Variants in SLC15A4 observed in about 807,000 individuals in gnomAD.
SLC15A4 encodes the protein solute carrier family 15 member 4.
A neutral mutation model predicts 46.1 loss-of-function variants in SLC15A4; 26 were observed. That is an observed-to-expected ratio of 0.56 (90% confidence interval 0.41 to 0.78). The LOEUF is 0.78. Among genes scored for constraint, SLC15A4 ranks in the 30% least tolerant of loss-of-function variants. The probability of loss-of-function intolerance (pLI) is 0.00; values close to 1 mark genes in which losing one functional copy is unlikely to be tolerated. For missense variants in SLC15A4, 751 were observed against 755.7 expected, an observed-to-expected ratio of 0.99 and a Z score of 0.07; for synonymous variants, 370 against 333.4, an observed-to-expected ratio of 1.11 and a Z score of -1.20.
chr12:128,821,613 C>T (rs140351164), intron 1 of SLC15A4, among the ~76,000 whole-genome samples: 197 of 152,288 alleles, frequency 1.3e-3, no homozygotes, highest in African/African-American at 3.4e-3. Context: ...ACTAGCTGGG[C>T]GCCGTGGCTC....
intron 7 of SLC15A4, among the ~76,000 whole-genome samples, chr12:128,795,342 C>T (rs755136450): frequency 6.6e-6 from 1 of 152,158 alleles, no homozygotes; most frequent in African/African-American, 2.4e-5. Flanking sequence ...TTAGCATACA[C>T]TGAATACCCA....
chr12:128,822,970 C>G (rs1005886968), intron 1 of SLC15A4, among the ~76,000 whole-genome samples: 1 of 152,146 alleles, frequency 6.6e-6, no homozygotes, highest in African/African-American at 2.4e-5. Flanking sequence ...CCTTTCTCTG[C>G]TAGGACTACA....
chr12:128,794,837 C>T (rs1461638598), intron 7 of SLC15A4, among the ~76,000 whole-genome samples: 2 of 152,222 alleles, frequency 1.3e-5, no homozygotes, highest in Non-Finnish European at 2.9e-5. Context: ...TCCCCCCACA[C>T]CAGAACAGCT....
chr12:128,793,888 T>A lies in SLC15A4; in HGVS notation c.*308A>T. The A allele has an allele frequency of 4.3e-6, 1 of 234,208 alleles. No homozygotes were observed. The highest frequency in any genetic ancestry group is 8.2e-6 in the Non-Finnish European group (1 of 122,300). The allele number at this position is 234,208 out of a possible 1,614,324, so 14.5% of individuals were successfully genotyped here. The stretch of plus-strand genomic sequence containing the variant: ...CGTGGAGTTCCCCAAGACTTTGCAA[T>A]CTCCATTTGTGAGTTTCTGTAAAAA... On this transcript the variant is annotated 3_prime_UTR_variant, in exon 8 of 8. Transcript: ENST00000266771.
chr12:128,822,456 G>C (rs1482451569), intron 1 of SLC15A4, among the ~76,000 whole-genome samples: 4 of 152,206 alleles, frequency 2.6e-5, no homozygotes, highest in Non-Finnish European at 5.9e-5. Flanking sequence ...CCCATGTCTG[G>C]AAAGCTCCTC....
At position 128,820,641 on chromosome 12, in the gene SLC15A4, C is replaced by T. The variant is rs140085362; in HGVS notation, c.546+2757G>A. ...GTTTCCTCATCAGTAAAATGGGCAC[C>T]GTACGTGTCATGTAGACTAAGTAGT... is the stretch of plus-strand genomic sequence containing the variant. On this transcript the variant is annotated intron_variant, in intron 1 of 7. Transcript: ENST00000266771. 3.0e-3 allele frequency among the ~76,000 whole-genome samples: 359 copies of T among 119,778 alleles called. 2 individuals are homozygous for T. Among genetic ancestry groups the T allele is most frequent in the African/African-American group, 1.0e-2 (334 of 33,422 alleles). 78.6% of individuals were successfully genotyped at this position (119,778 alleles called of 152,430 possible).
intron 2 of SLC15A4, chr12:128,814,038 G>T: frequency 6.4e-6 from 1 of 155,634 alleles, no homozygotes; most frequent in Middle Eastern, 5.2e-4. Context: ...TGACTTGGAG[G>T]GGTTCTGAGG....
At chr12:128,809,886 C>G (rs1046779605) in intron 3 of SLC15A4, 57 bp downstream of exon 3, 15 of 1,540,132 alleles carry the variant, frequency 9.7e-6, no homozygotes, top group Non-Finnish European at 1.3e-5. Flanking sequence ...AAAACAAGTG[C>G]TAGGGTAAGA....
intron 2 of SLC15A4, chr12:128,813,236 A>G (rs946291282): frequency 2.7e-5 from 4 of 149,426 alleles, no homozygotes; most frequent in African/African-American, 9.9e-5. Context: ...CCCAGGCTAC[A>G]GTGTAGTGGT....
intron 1 of SLC15A4, among the ~76,000 whole-genome samples, chr12:128,819,037 G>C (rs151017790): frequency 1.1e-3 from 175 of 152,238 alleles, no homozygotes; most frequent in African/African-American, 4.0e-3. Flanking sequence ...AATTCCAAAT[G>C]TATAGAAAAG....
At chr12:128,802,083 G>A (rs1955524398) in intron 5 of SLC15A4, among the ~76,000 whole-genome samples, 1 of 152,134 alleles carries the variant, frequency 6.6e-6, no homozygotes, top group South Asian at 2.1e-4. Flanking sequence ...CAGAAAACCT[G>A]CAGCCCCACC....
chr12:128,823,849 C>G lies in SLC15A4; in HGVS notation c.95G>C (p.Gly32Ala). The G allele has an allele frequency of 7.9e-7, 1 of 1,268,888 alleles. No homozygotes were observed. Among genetic ancestry groups the G allele is most frequent in the Middle Eastern group, 2.7e-4 (1 of 3,672 alleles). The allele number at this position is 1,268,888 out of a possible 1,614,324, so 78.6% of individuals were successfully genotyped here. Reference sequence around the variant, plus strand: ...CACGGCCCCGCACGCCGCGCGCCGGCCCGCGAACGCCCCAGCCGCCGCCGC... The same window carrying G: ...CACGGCCCCGCACGCCGCGCGCCGGGCCGCGAACGCCCCAGCCGCCGCCGC... ...AAAAAAGAFA[G>A]RRAACGAVLL... Residue 32 changes from glycine (G) to alanine (A), a missense_variant, in exon 1 of 8, where the codon GGC becomes GCC. Coordinates refer to ENST00000266771, the MANE Select transcript of SLC15A4 (RefSeq NM_145648.4).
At chr12:128,802,903 C>A (rs1042973187) in intron 5 of SLC15A4, among the ~76,000 whole-genome samples, 1 of 152,274 alleles carries the variant, frequency 6.6e-6, no homozygotes, top group East Asian at 1.9e-4. Context: ...GCCAACACTG[C>A]GGAAACCAGG....
chr12:128,818,973 T>C (rs954788264), intron 1 of SLC15A4, among the ~76,000 whole-genome samples: 3 of 152,224 alleles, frequency 2.0e-5, no homozygotes, highest in African/African-American at 7.2e-5. Flanking sequence ...ATGGATATAC[T>C]ATATTTAGTT....
chr12:128,800,908 G>A lies in SLC15A4; in HGVS notation c.1360C>T (p.Gln454Ter). The A allele has an allele frequency of 1.9e-6, 3 of 1,614,074 alleles. No individual in the cohort carries two copies. The highest frequency in any genetic ancestry group is 2.5e-6 in the Non-Finnish European group (3 of 1,180,012). The part of the protein sequence containing the change: ...YHAADLSLWW[Q>*]VPQYLLIGIS... ...CCAATCAGCAAGTACTGCGGCACCTGCCACCACAGCGACAGATCGGCAGCA... is the reference window on the plus strand; with the variant it reads ...CCAATCAGCAAGTACTGCGGCACCTACCACCACAGCGACAGATCGGCAGCA... Residue 454 changes from glutamine to a stop codon, truncating the protein, a stop_gained, in exon 6 of 8, where the codon CAG becomes TAG. Coordinates refer to ENST00000266771, the MANE Select transcript of SLC15A4 (RefSeq NM_145648.4). LOFTEE classifies it high-confidence loss of function.
At chr12:128,806,691 A>G (rs981560475) in intron 5 of SLC15A4, among the ~76,000 whole-genome samples, 4 of 152,248 alleles carry the variant, frequency 2.6e-5, no homozygotes, top group African/African-American at 9.6e-5. Context: ...TCACTTAGGA[A>G]AGAACGCCTG....
At chr12:128,805,003 G>A (rs996356151) in intron 5 of SLC15A4, among the ~76,000 whole-genome samples, 4 of 152,180 alleles carry the variant, frequency 2.6e-5, no homozygotes, top group Non-Finnish European at 5.9e-5. Flanking sequence ...TCAGGTCAGA[G>A]GACCAACATC....
chr12:128,811,732 C>T (rs894529785), intron 2 of SLC15A4, among the ~76,000 whole-genome samples: 2 of 152,220 alleles, frequency 1.3e-5, no homozygotes, highest in African/African-American at 4.8e-5. Flanking sequence ...AAATACCTTT[C>T]ACTAAAAACA....
intron 7 of SLC15A4, among the ~76,000 whole-genome samples, chr12:128,796,403 C>T (rs111810631): frequency 0.015 from 2,067 of 134,626 alleles, 56 homozygotes; most frequent in African/African-American, 0.054. Context: ...CACTCCAGCC[C>T]GGGCAACAAA....
Sources: gnomAD v4.1 joint callset for allele counts (sites outside exome capture counted in the v4.1 genomes callset) on GRCh38, gnomAD v4.1.1 for gene constraint, MANE v1.5 for transcripts, NCBI Gene and HGNC (gene_info 2026-07-23, HGNC 2026-07-21) for gene names.